The following PDLIM5 variants were observed in gnomAD, a reference collection of about 807,000 sequenced individuals.
The protein encoded by PDLIM5 is PDZ and LIM domain 5.
A neutral mutation model predicts 64.2 loss-of-function variants in PDLIM5; 34 were observed. The ratio of observed to expected loss-of-function variants is 0.53; its 90% CI spans 0.40 to 0.71. The LOEUF (loss-of-function observed/expected upper bound fraction) is 0.71, where lower values mean the gene tolerates loss of function less well. Among genes scored for constraint, PDLIM5 ranks in the 30% least tolerant of loss-of-function variants. The pLI is 0.00. For synonymous variants in PDLIM5, 253 were observed against 269.1 expected, an observed-to-expected ratio of 0.94 and a Z score of 0.59; for missense variants, 683 against 733.6, an observed-to-expected ratio of 0.93 and a Z score of 0.80.
At chr4:94,657,986 G>A (rs1419000833) in intron 11 of PDLIM5, among the ~76,000 whole-genome samples, 1 of 152,216 alleles carries the variant, frequency 6.6e-6, no homozygotes, top group Non-Finnish European at 1.5e-5. Context: ...ATGAGCCACT[G>A]CGCCTGGCCC....
intron 3 of PDLIM5, among the ~76,000 whole-genome samples, chr4:94,537,787 A>G (rs1229394132): frequency 6.6e-6 from 1 of 152,222 alleles, no homozygotes; most frequent in African/African-American, 2.4e-5. Flanking sequence ...GAGTCACACA[A>G]CTTGTAAGTA....
intron 2 of PDLIM5, among the ~76,000 whole-genome samples, chr4:94,478,255 C>CA (rs1156675410): frequency 0.033 from 2,446 of 74,058 alleles, 66 homozygotes; most frequent in African/African-American, 0.072. Flanking sequence ...GACTCCGTCT[C>CA]AAAAAAAAAA....
intron 5 of PDLIM5, chr4:94,579,559 GA>G: frequency 7.5e-7 from 1 of 1,339,554 alleles, no homozygotes; most frequent in Non-Finnish European, 1.0e-6. Context: ...CATTACTGGA[GA>G]GGAAATATGG....
Position 94,562,007 on chromosome 4 carries a change from T to C in PDLIM5, c.249-11344T>C, listed in dbSNP as rs1160143561. On this transcript the variant is annotated intron_variant, in intron 3 of 12. Coordinates refer to ENST00000317968, the MANE Select transcript of PDLIM5 (RefSeq NM_006457.5). Reference sequence around the variant, plus strand: ...GTACTAGCCAGAGCTCTGTGTTAATTGTGTTGTTGGTAGATCTGCTTATTT... The same window carrying C: ...GTACTAGCCAGAGCTCTGTGTTAATCGTGTTGTTGGTAGATCTGCTTATTT... Among the ~76,000 whole-genome samples the C allele has an allele frequency of 7.2e-5, 11 of 152,224 alleles. 1 individual carries two copies. Among genetic ancestry groups the C allele is most frequent in the Admixed American group, 7.2e-4 (11 of 15,288 alleles).
At chr4:94,576,523 T>C (rs895654691) in intron 5 of PDLIM5, among the ~76,000 whole-genome samples, 3 of 152,222 alleles carry the variant, frequency 2.0e-5, no homozygotes, top group African/African-American at 7.2e-5. Flanking sequence ...CATGTCTATA[T>C]GTGAAGCATT....
chr4:94,460,620 CA>C (rs1305320300), intron 2 of PDLIM5, among the ~76,000 whole-genome samples: 110 of 87,668 alleles, frequency 1.3e-3, no homozygotes, highest in Admixed American at 2.5e-3. Context: ...GACCCTGTCT[CA>C]AAAAAAAAAA....
intron 2 of PDLIM5, among the ~76,000 whole-genome samples, chr4:94,496,138 T>A (rs1578252890): frequency 6.6e-6 from 1 of 152,134 alleles, no homozygotes; most frequent in South Asian, 2.1e-4. Context: ...GTTCATCAAG[T>A]AGCAAAAACA....
intron 8 of PDLIM5, among the ~76,000 whole-genome samples, chr4:94,629,650 A>G (rs961296906): frequency 6.6e-6 from 1 of 152,234 alleles, no homozygotes; most frequent in African/African-American, 2.4e-5. Flanking sequence ...CTTAAAGTTG[A>G]AAGGCTGGTT....
At chr4:94,621,822 AT>A (rs1739259880) in intron 8 of PDLIM5, among the ~76,000 whole-genome samples, 1 of 152,246 alleles carries the variant, frequency 6.6e-6, no homozygotes, top group South Asian at 2.1e-4. Context: ...TTTCTAGAAA[AT>A]ATAAATGAAT....
At chr4:94,629,697 A>G (rs1256349801) in intron 8 of PDLIM5, among the ~76,000 whole-genome samples, 2 of 152,368 alleles carry the variant, frequency 1.3e-5, no homozygotes, top group African/African-American at 2.4e-5. Context: ...AGATGTGGAA[A>G]TATTTGATAC....
chr4:94,555,264 C>G (rs1488317965), intron 3 of PDLIM5, among the ~76,000 whole-genome samples: 1 of 152,018 alleles, frequency 6.6e-6, no homozygotes, highest in African/African-American at 2.4e-5. Context: ...GCCATGTTGG[C>G]CAGGAGTCTT....
chr4:94,463,273 C>T (rs1724057280), intron 2 of PDLIM5, among the ~76,000 whole-genome samples: 1 of 152,162 alleles, frequency 6.6e-6, no homozygotes, highest in Admixed American at 6.5e-5. Context: ...GGGGCACCAA[C>T]CCCCTGTGCA....
At chr4:94,499,015 T>A (rs1326018038) in intron 2 of PDLIM5, among the ~76,000 whole-genome samples, 1 of 152,154 alleles carries the variant, frequency 6.6e-6, no homozygotes, top group African/African-American at 2.4e-5. Context: ...TATGGAAGTA[T>A]TTAGGGTTGG....
rs146226694 is a variant in PDLIM5 at position 94,664,046 on chromosome 4, T to C, written c.1770T>C (p.His590=). 6,666 of 1,604,742 alleles carry C rather than the reference T, an allele frequency of 4.2e-3. 16 individuals carry two copies. Among genetic ancestry groups the C allele is most frequent in the Non-Finnish European group, 5.1e-3 (5,998 of 1,174,266 alleles). ...SKKDKPLCKK[H]AHSVNF is the part of the protein sequence containing the mutation. Reference sequence around the variant, plus strand: ...AGGACAAGCCCCTGTGTAAGAAACATGCTCATTCTGTGAATTTTTGAAAGT... The same window carrying C: ...AGGACAAGCCCCTGTGTAAGAAACACGCTCATTCTGTGAATTTTTGAAAGT... Residue 590 remains histidine, a synonymous_variant, in exon 13 of 13, where the codon CAT becomes CAC. Transcript: ENST00000317968.
chr4:94,582,705 T>C (rs758741086), intron 5 of PDLIM5: 1 of 1,571,026 alleles, frequency 6.4e-7, no homozygotes, highest in Admixed American at 1.7e-5. Flanking sequence ...GTGTGTGTTA[T>C]TCTTCCCTCA....
intron 3 of PDLIM5, among the ~76,000 whole-genome samples, chr4:94,552,317 T>A (rs1732881225): frequency 6.6e-6 from 1 of 152,128 alleles, no homozygotes; most frequent in Non-Finnish European, 1.5e-5. Context: ...CTACAAGTTG[T>A]CAAGTTGAAT....
chr4:94,574,653 C>G (rs533878042), intron 4 of PDLIM5, among the ~76,000 whole-genome samples: 2 of 152,284 alleles, frequency 1.3e-5, no homozygotes, highest in Non-Finnish European at 2.9e-5. Context: ...GTCTAACGCT[C>G]TACCTCTGAG....
chr4:94,657,678 G>A (rs1362573953), intron 11 of PDLIM5, 131 bp downstream of exon 11: 4 of 602,224 alleles, frequency 6.6e-6, no homozygotes, highest in Non-Finnish European at 5.5e-6. Flanking sequence ...ATTTAATGCT[G>A]CTCTAAGCAT....
At chr4:94,661,934 C>T (rs915575324) in intron 11 of PDLIM5, among the ~76,000 whole-genome samples, 3 of 151,964 alleles carry the variant, frequency 2.0e-5, no homozygotes, top group Non-Finnish European at 2.9e-5. Context: ...AATTTTCGTG[C>T]CTCAGCCTCC....
Sources: gnomAD v4.1 joint callset for allele counts (sites outside exome capture counted in the v4.1 genomes callset) on GRCh38, gnomAD v4.1.1 for gene constraint, MANE v1.5 for transcripts, NCBI Gene and HGNC (gene_info 2026-07-23, HGNC 2026-07-21) for gene names.